Variants in KLHL29 observed in about 807,000 individuals in gnomAD.
The protein encoded by KLHL29 is kelch like family member 29.
In KLHL29, 21 loss-of-function variants were observed where a neutral mutation model predicts 80.4. That is an observed-to-expected ratio of 0.26 (90% confidence interval 0.19 to 0.38). The LOEUF is 0.38. Among genes scored for constraint, KLHL29 ranks in the 10% least tolerant of loss-of-function variants. The pLI is 1.00. For synonymous variants in KLHL29, 511 were observed against 526.8 expected (o/e 0.97, Z 0.41); for missense variants, 867 against 1,223.9 (o/e 0.71, Z 4.35).
At chr2:23,561,306 A>G (rs1030713133) in intron 2 of KLHL29, among the ~76,000 whole-genome samples, 1 of 152,176 alleles carries the variant, frequency 6.6e-6, no homozygotes, top group Non-Finnish European at 1.5e-5. Flanking sequence ...GCAAAATGCA[A>G]TCTTTGGTGA....
At chr2:23,511,750 G>C (rs1665778792) in intron 2 of KLHL29, among the ~76,000 whole-genome samples, 2 of 152,194 alleles carry the variant, frequency 1.3e-5, no homozygotes, top group African/African-American at 4.8e-5. Context: ...AGGTTTGTTT[G>C]CTGGCTTAAG....
chr2:23,471,816 T>C (rs1664502006), intron 1 of KLHL29, among the ~76,000 whole-genome samples: 1 of 152,218 alleles, frequency 6.6e-6, no homozygotes, highest in Non-Finnish European at 1.5e-5. Flanking sequence ...TCCCTGTGAT[T>C]TCCTGGGTTC....
At chr2:23,624,752 C>T (rs1474161462) in intron 3 of KLHL29, among the ~76,000 whole-genome samples, 1 of 152,210 alleles carries the variant, frequency 6.6e-6, no homozygotes, top group South Asian at 2.1e-4. Context: ...CAGCATCCTT[C>T]TTATAAAAGG....
intron 1 of KLHL29, among the ~76,000 whole-genome samples, chr2:23,407,249 A>G (rs918929195): frequency 1.2e-4 from 18 of 152,174 alleles, no homozygotes; most frequent in African/African-American, 4.3e-4. Flanking sequence ...AATTCCTGGA[A>G]CTGTATTTAC....
intron 1 of KLHL29, among the ~76,000 whole-genome samples, chr2:23,410,666 T>TTGCTGC (rs1324730833): frequency 1.3e-5 from 2 of 152,012 alleles, no homozygotes; most frequent in East Asian, 1.9e-4. Flanking sequence ...TTCAGACCTC[T>TTGCTGC]TGCTGCTGCT....
chr2:23,577,455 AG>A (rs1167619760), intron 3 of KLHL29, among the ~76,000 whole-genome samples: 1 of 151,580 alleles, frequency 6.6e-6, no homozygotes, highest in Non-Finnish European at 1.5e-5. Context: ...TCTAAATAAA[AG>A]GGGGGTGGGG....
chr2:23,404,987 G>A (rs1435980959), intron 1 of KLHL29, among the ~76,000 whole-genome samples: 1 of 152,194 alleles, frequency 6.6e-6, no homozygotes, highest in Admixed American at 6.5e-5. Context: ...CTGTGTGTCA[G>A]CTTGAGCCAG....
intron 1 of KLHL29, among the ~76,000 whole-genome samples, chr2:23,398,088 C>T (rs1211597244): frequency 6.6e-6 from 1 of 152,188 alleles, no homozygotes; most frequent in African/African-American, 2.4e-5. Flanking sequence ...ATCATCTGAT[C>T]CAGCAATTCT....
chr2:23,652,247 G>A (rs975336527), intron 5 of KLHL29, among the ~76,000 whole-genome samples: 2 of 152,310 alleles, frequency 1.3e-5, no homozygotes, highest in African/African-American at 4.8e-5. Context: ...TATTTCCCAT[G>A]ATTAGCATCA....
At chr2:23,628,855 C>T (rs1466350819) in intron 3 of KLHL29, among the ~76,000 whole-genome samples, 2 of 151,820 alleles carry the variant, frequency 1.3e-5, no homozygotes, top group Non-Finnish European at 2.9e-5. Flanking sequence ...GTGTGATGTG[C>T]GTCTGCGAGT....
intron 2 of KLHL29, among the ~76,000 whole-genome samples, chr2:23,548,981 C>A (rs1667054927): frequency 6.6e-6 from 1 of 152,180 alleles, no homozygotes; most frequent in South Asian, 2.1e-4. Flanking sequence ...TGATCCCTTC[C>A]CCGCCTGCCT....
chr2:23,660,402 T>C (rs187381648), intron 5 of KLHL29, among the ~76,000 whole-genome samples: 88 of 152,230 alleles, frequency 5.8e-4, no homozygotes, highest in Middle Eastern at 6.8e-3. Context: ...TGTGGGCTTA[T>C]CAGGGTTCCC....
Position 23,691,807 on chromosome 2 carries a change from AAGAC to A in KLHL29, c.1215_1218del (p.Lys405AsnfsTer26). On this transcript the variant is annotated frameshift_variant, in exon 7 of 14. Transcript: ENST00000486442. LOFTEE classifies it high-confidence loss of function. ...CCTGGTCATCGACTCGGCCAACGCCAAGACACTGCTGGAGGCGGCCAGCAAGTTC... is the reference window on the plus strand; with the variant it reads ...CCTGGTCATCGACTCGGCCAACGCCAACTGCTGGAGGCGGCCAGCAAGTTC... The A allele has an allele frequency of 6.4e-7, 1 of 1,551,424 alleles. No individual in the cohort carries two copies. The highest frequency in any genetic ancestry group is 8.7e-7 in the Non-Finnish European group (1 of 1,146,994).
At chr2:23,418,949 T>C (rs981619049) in intron 1 of KLHL29, among the ~76,000 whole-genome samples, 3 of 152,174 alleles carry the variant, frequency 2.0e-5, no homozygotes, top group African/African-American at 7.2e-5. Flanking sequence ...GATGGCACTT[T>C]CCATGGTAAA....
intron 3 of KLHL29, among the ~76,000 whole-genome samples, chr2:23,605,427 C>A (rs1029017666): frequency 1.3e-5 from 2 of 152,042 alleles, no homozygotes; most frequent in African/African-American, 4.8e-5. Flanking sequence ...GACTTCCACG[C>A]GGCTCTTGTA....
chr2:23,523,491 C>T (rs1666172416), intron 2 of KLHL29, among the ~76,000 whole-genome samples: 1 of 152,228 alleles, frequency 6.6e-6, no homozygotes, highest in Non-Finnish European at 1.5e-5. Context: ...TAGCTTCCCC[C>T]CGCCAAAATC....
intron 1 of KLHL29, among the ~76,000 whole-genome samples, chr2:23,436,853 C>T (rs761736009): frequency 1.3e-5 from 2 of 152,234 alleles, no homozygotes; most frequent in African/African-American, 4.8e-5. Flanking sequence ...AGCTGTTTCT[C>T]TGACTAGAAG....
intron 1 of KLHL29, among the ~76,000 whole-genome samples, chr2:23,403,723 G>GAA (rs1666650183): frequency 7.2e-6 from 1 of 139,136 alleles, no homozygotes; most frequent in Non-Finnish European, 1.5e-5. Flanking sequence ...GAGAGAGAGA[G>GAA]AGAGTGTGTG....
chr2:23,521,128 G>GC (rs1422843820), intron 2 of KLHL29, among the ~76,000 whole-genome samples: 1 of 151,962 alleles, frequency 6.6e-6, no homozygotes, highest in African/African-American at 2.4e-5. Context: ...CCGTCTATCT[G>GC]CCCCCTGCCT....
Sources: allele counts gnomAD v4.1 joint callset (sites outside exome capture counted in the v4.1 genomes callset), GRCh38; gene constraint gnomAD v4.1.1; transcripts MANE v1.5; gene names NCBI Gene and HGNC (gene_info 2026-07-23, HGNC 2026-07-21).